PAK5: variants seen among roughly 807,000 people sequenced by gnomAD.
PAK5 encodes serine/threonine-protein kinase PAK 5.
In PAK5, 16 loss-of-function variants were observed where a neutral mutation model predicts 65.9. The ratio of observed to expected loss-of-function variants is 0.24; its 90% confidence interval spans 0.16 to 0.37. PAK5 has a LOEUF of 0.37. PAK5 is among the 10% of genes least tolerant of loss of function. PAK5 has a pLI of 1.00. For synonymous variants in PAK5, 371 were observed against 354.9 expected, an observed-to-expected ratio of 1.05 and a Z score of -0.51; for missense variants, 785 against 903.9, an observed-to-expected ratio of 0.87 and a Z score of 1.69.
chr20:9,658,763 C>T (rs773918081), intron 2 of PAK5, among the ~76,000 whole-genome samples: 3 of 152,164 alleles, frequency 2.0e-5, no homozygotes, highest in Non-Finnish European at 4.4e-5. Flanking sequence ...TAGCTAATTT[C>T]AAGCTACCAA....
chr20:9,809,065 T>C (rs1438197425), intron 1 of PAK5, among the ~76,000 whole-genome samples: 1 of 152,164 alleles, frequency 6.6e-6, no homozygotes, highest in Non-Finnish European at 1.5e-5. Flanking sequence ...TGAAATTGCT[T>C]ATAATTTTGT....
intron 2 of PAK5, among the ~76,000 whole-genome samples, chr20:9,648,423 T>A (rs1459251907): frequency 6.6e-6 from 1 of 151,982 alleles, no homozygotes; most frequent in Non-Finnish European, 1.5e-5. Flanking sequence ...ACCCCTTGCT[T>A]AGTCCATATT....
At chr20:9,559,635 CG>C (rs911090806) in intron 6 of PAK5, among the ~76,000 whole-genome samples, 5 of 152,028 alleles carry the variant, frequency 3.3e-5, no homozygotes, top group Non-Finnish European at 7.4e-5. Context: ...TGGTGGCCGG[CG>C]CTCGTAATTC....
intron 2 of PAK5, among the ~76,000 whole-genome samples, chr20:9,657,806 A>G (rs753290999): frequency 2.8e-4 from 43 of 152,198 alleles, no homozygotes; most frequent in Non-Finnish European, 2.8e-4. Flanking sequence ...AACCAAGGAT[A>G]AAGGCCTCAA....
At chr20:9,632,579 T>TA (rs1378582906) in intron 3 of PAK5, among the ~76,000 whole-genome samples, 3 of 152,190 alleles carry the variant, frequency 2.0e-5, no homozygotes, top group African/African-American at 7.2e-5. Flanking sequence ...GTCAGGTAGG[T>TA]ATTTATAAAG....
chr20:9,542,694 C>T lies in PAK5; in HGVS notation c.1896G>A (p.Met632Ile), dbSNP rs371878197. 1.9e-6 allele frequency: 3 copies of T among 1,613,952 alleles called. No individual in the cohort carries two copies. Among genetic ancestry groups the T allele is most frequent in the African/African-American group, 1.3e-5 (1 of 74,932 alleles). Residue 632 changes from methionine (M) to isoleucine (I), a missense_variant, in exon 9 of 10, where the codon ATG becomes ATA. By Grantham distance (10) the Met-to-Ile change is conservative (BLOSUM62 1). Around this residue, in one of 4 missense-constraint regions of PAK5, gnomAD observed 182 missense variants for 273.0 expected, o/e 0.67. Transcript: ENST00000353224. ...TEVDIWSLGI[M>I]VIEMIDGEPP... Reference sequence around the variant, plus strand: ...GCTCGCCATCAATCATTTCTATCACCATGATCCCGAGGGACCAGATGTCCA... The same window carrying T: ...GCTCGCCATCAATCATTTCTATCACTATGATCCCGAGGGACCAGATGTCCA...
intron 1 of PAK5, among the ~76,000 whole-genome samples, chr20:9,831,222 C>T (rs1041583815): frequency 8.5e-5 from 13 of 152,130 alleles, no homozygotes; most frequent in East Asian, 3.9e-4. Context: ...TGTGTGTGTG[C>T]GCGCGTGCGT....
intron 2 of PAK5, among the ~76,000 whole-genome samples, chr20:9,701,057 C>T (rs1210909783): frequency 6.6e-6 from 1 of 152,104 alleles, no homozygotes; most frequent in Non-Finnish European, 1.5e-5. Context: ...CTACGTTTCC[C>T]TCTTTAAAAA....
chr20:9,600,154 A>G (rs2046336368), intron 3 of PAK5, among the ~76,000 whole-genome samples: 1 of 151,398 alleles, frequency 6.6e-6, no homozygotes, highest in African/African-American at 2.5e-5. Context: ...AAAGCATCTG[A>G]CCTCATATGT....
Position 9,566,090 on chromosome 20 carries a change from G to A in PAK5, c.1285C>T (p.His429Tyr), listed in dbSNP as rs1268854558. 2 of 1,613,812 alleles carry A rather than the reference G, an allele frequency of 1.2e-6. No homozygotes were observed. Among genetic ancestry groups the A allele is most frequent in the Admixed American group, 1.7e-5 (1 of 59,988 alleles). The change falls in exon 5 of 10, where the codon CAT becomes TAT. Residue 429 changes from histidine to tyrosine, a missense_variant. By Grantham distance (83) the His-to-Tyr change is moderately conservative. Transcript: ENST00000353224. ...TGCAGGGCCGCCCGAAACTGTTCAT[G>A]GGACACCCTGGAGGGCTGCTGGTCG... ...SSDQQPSRVS[H>Y]EQFRAALQLV...
intron 1 of PAK5, among the ~76,000 whole-genome samples, chr20:9,713,812 C>T (rs1004789000): frequency 1.3e-5 from 2 of 151,868 alleles, no homozygotes; most frequent in African/African-American, 2.4e-5. Flanking sequence ...GTAGACCTCA[C>T]GGAGGTAGAT....
intron 2 of PAK5, among the ~76,000 whole-genome samples, chr20:9,705,763 T>G (rs979000575): frequency 6.6e-6 from 1 of 152,158 alleles, no homozygotes; most frequent in Non-Finnish European, 1.5e-5. Context: ...TTTTTCATAA[T>G]AGCAGATAAT....
intron 3 of PAK5, among the ~76,000 whole-genome samples, chr20:9,588,273 C>A (rs555488096): frequency 7.2e-5 from 11 of 152,158 alleles, no homozygotes; most frequent in South Asian, 2.1e-4. Context: ...AACCAACCAA[C>A]CAAACAAAAG....
rs144344650 is a variant in PAK5 at position 9,627,450 on chromosome 20, G to A, written c.204+16675C>T. ...CTAATGTCAGATGCTGCTGCAAGTA[G>A]TCATTGCTCTGCCTCCTGCTTCATG... On this transcript the variant is annotated intron_variant, in intron 3 of 9. Transcript: ENST00000353224. Among the ~76,000 whole-genome samples, 404 of 152,242 alleles carry A rather than the reference G, an allele frequency of 2.7e-3. 2 individuals are homozygous for A. Among genetic ancestry groups the A allele is most frequent in the African/African-American group, 9.0e-3 (373 of 41,542 alleles).
intron 1 of PAK5, among the ~76,000 whole-genome samples, chr20:9,805,625 G>A (rs2049222630): frequency 2.0e-5 from 3 of 152,122 alleles, no homozygotes; most frequent in African/African-American, 7.2e-5. Flanking sequence ...AGTCACAAAA[G>A]ACCACATACT....
At chr20:9,563,445 C>A (rs1344235058) in intron 5 of PAK5, among the ~76,000 whole-genome samples, 2 of 152,152 alleles carry the variant, frequency 1.3e-5, no homozygotes, top group East Asian at 3.8e-4. Flanking sequence ...ATGAGTCCCA[C>A]AAGTGAATGA....
At chr20:9,602,489 C>T (rs1240818544) in intron 3 of PAK5, among the ~76,000 whole-genome samples, 1 of 152,120 alleles carries the variant, frequency 6.6e-6, no homozygotes, top group Non-Finnish European at 1.5e-5. Context: ...ACTACAGATG[C>T]TCACCTGTCA....
intron 3 of PAK5, among the ~76,000 whole-genome samples, chr20:9,587,348 T>G (rs968975658): frequency 1.3e-5 from 2 of 152,192 alleles, no homozygotes; most frequent in Admixed American, 6.6e-5. Flanking sequence ...TATCTCAAAT[T>G]AATTACAATT....
chr20:9,742,569 T>C (rs367720183), intron 1 of PAK5, among the ~76,000 whole-genome samples: 5 of 152,312 alleles, frequency 3.3e-5, no homozygotes, highest in African/African-American at 1.2e-4. Flanking sequence ...ACTGCAGACA[T>C]TCCACTCACA....
Sources: gnomAD v4.1 joint callset for allele counts (sites outside exome capture counted in the v4.1 genomes callset) on GRCh38, gnomAD v4.1.1 for gene constraint, gnomAD v4.1.1 regional missense constraint, MANE v1.5 for transcripts, NCBI Gene and HGNC (gene_info 2026-07-23, HGNC 2026-07-21) for gene names.